Variants in C13orf46 observed in about 807,000 individuals in gnomAD.
C13orf46 encodes uncharacterized protein C13orf46.
At chr13:113,963,724 C>T (rs1432979546) in intron 6 of C13orf46, among the ~76,000 whole-genome samples, 6 of 152,376 alleles carry the variant, frequency 3.9e-5, no homozygotes, top group South Asian at 4.1e-4. Flanking sequence ...TCCTCAGTGT[C>T]GAAAGTCAGG....
In C13orf46 at chr13:113,972,651, G is replaced by C. The variant is rs530188598; in HGVS notation, c.190+1157C>G. Among the ~76,000 whole-genome samples the C allele has an allele frequency of 5.1e-4, 77 of 152,288 alleles. 2 individuals are homozygous for C. The South Asian group carries it at 0.016, about 32-fold the overall frequency. Reference sequence around the variant, plus strand: ...ACCTGGAAACATCTCAGAGTGGCGAGTGTGGACCGACACAGGGGCAGCCTA... The same window carrying C: ...ACCTGGAAACATCTCAGAGTGGCGACTGTGGACCGACACAGGGGCAGCCTA... On this transcript the variant is annotated intron_variant, in intron 1 of 6. Coordinates refer to ENST00000636427, the MANE Select transcript of C13orf46 (RefSeq NM_001365455.2).
the C13orf46 span, among the ~76,000 whole-genome samples, chr13:113,936,800 C>T: frequency 7.9e-5 from 12 of 151,986 alleles, no homozygotes; most frequent in African/African-American, 1.5e-4. Flanking sequence ...GGAGGCTGAC[C>T]GGTCCAGGGG....
chr13:113,938,870 G>A, the C13orf46 span, among the ~76,000 whole-genome samples: 10 of 152,020 alleles, frequency 6.6e-5, no homozygotes, highest in African/African-American at 2.4e-4. Flanking sequence ...AATCCCTATG[G>A]AAAACTCAGC....
At chr13:113,950,927 G>C (rs979777926), downstream of C13orf46, among the ~76,000 whole-genome samples, 1 of 152,258 alleles carries the variant, frequency 6.6e-6, no homozygotes, top group Admixed American at 6.5e-5. Flanking sequence ...CGGGATGTCC[G>C]TGGCGCTGGC....
chr13:113,936,582 G>A, the C13orf46 span, among the ~76,000 whole-genome samples: 8 of 152,278 alleles, frequency 5.3e-5, no homozygotes, highest in African/African-American at 9.6e-5. Flanking sequence ...TTTTACACAC[G>A]CAGAGCCGGC....
At chr13:113,947,880 T>A in the C13orf46 span, among the ~76,000 whole-genome samples, 4 of 152,230 alleles carry the variant, frequency 2.6e-5, no homozygotes, top group Non-Finnish European at 5.9e-5. Flanking sequence ...GATGACAGCA[T>A]ATCCATGGGA....
chr13:113,955,415 C>T lies in C13orf46; in HGVS notation c.*1358G>A, dbSNP rs1292061397. 3.3e-3 allele frequency: 351 copies of T among 107,286 alleles called. 11 individuals are homozygous for T. The South Asian group carries it at 0.056, about 17-fold the overall frequency. The allele number at this position is 107,286 out of a possible 1,614,324, so 6.6% of individuals were successfully genotyped here. A position where few individuals can be genotyped will look rare whatever the true frequency, so the allele number is the denominator to read the frequency against. On this transcript the variant is annotated 3_prime_UTR_variant, in exon 7 of 7. Coordinates refer to ENST00000636427, the MANE Select transcript of C13orf46 (RefSeq NM_001365455.2). ...GGAGACGAGGAGCATCCGGCGGTGA[C>T]GAGGAGCATCCGGCGGAGATGAGGA...
rs2052514216 is a variant in C13orf46, at chr13:113,955,181, G to GAGGAGAGGAGGAGCATCCC, written c.*1591_*1592insGGGATGCTCCTCCTCTCCT. ...CATCTCGAGGAGAGGAGGAGCATCT[G>GAGGAGAGGAGGAGCATCCC]GTGGAGAGGAGGAGCATCCCGTGGA... On this transcript the variant is annotated 3_prime_UTR_variant, in exon 7 of 7. Coordinates refer to ENST00000636427, the MANE Select transcript of C13orf46 (RefSeq NM_001365455.2). 4.9e-6 allele frequency: 1 copy of GAGGAGAGGAGGAGCATCCC among 205,610 alleles called. No homozygotes were observed. The highest frequency in any genetic ancestry group is 9.5e-6 in the Non-Finnish European group (1 of 104,934). 12.7% of individuals were successfully genotyped at this position (205,610 alleles called of 1,614,324 possible).
At chr13:113,946,053 A>ATTTAGGGTCCAGTTCACTGCACTGCGG in the C13orf46 span, among the ~76,000 whole-genome samples, 1 of 152,048 alleles carries the variant, frequency 6.6e-6, no homozygotes. Context: ...GTTCACCGTG[A>ATTTAGGGTCCAGTTCACTGCACTGCGG]GTGAATGCCG....
At chr13:113,933,308 T>C in the C13orf46 span, among the ~76,000 whole-genome samples, 8 of 152,244 alleles carry the variant, frequency 5.3e-5, no homozygotes, top group Non-Finnish European at 1.0e-4. Context: ...TCAGCACATT[T>C]ATCAAAAGTC....
chr13:113,937,675 C>T, the C13orf46 span, among the ~76,000 whole-genome samples: 1 of 152,150 alleles, frequency 6.6e-6, no homozygotes, highest in African/African-American at 2.4e-5. Context: ...CATGAGACAT[C>T]AACATACATC....
the C13orf46 span, among the ~76,000 whole-genome samples, chr13:113,940,019 G>C: frequency 8.1e-3 from 1,233 of 152,326 alleles, 21 homozygotes; most frequent in African/African-American, 0.029. Flanking sequence ...CAGGATGCCC[G>C]GGTGGCAGCC....
chr13:113,952,818 G>A (rs1462423961), downstream of C13orf46, among the ~76,000 whole-genome samples: 5 of 152,352 alleles, frequency 3.3e-5, no homozygotes, highest in African/African-American at 4.8e-5. Flanking sequence ...CGACCCCAGC[G>A]CTGCTGCCTG....
At chr13:113,936,771 C>T in the C13orf46 span, among the ~76,000 whole-genome samples, 5 of 151,874 alleles carry the variant, frequency 3.3e-5, no homozygotes, top group Admixed American at 1.3e-4. Context: ...TGCCCCGAGT[C>T]GCTTCTGGGT....
downstream of C13orf46, among the ~76,000 whole-genome samples, chr13:113,951,924 C>G (rs1380221050): frequency 6.6e-6 from 1 of 152,212 alleles, no homozygotes; most frequent in South Asian, 2.1e-4. Context: ...ACCCCACTCT[C>G]GTAAGACAAC....
the C13orf46 span, among the ~76,000 whole-genome samples, chr13:113,948,049 C>T: frequency 1.3e-5 from 2 of 152,258 alleles, no homozygotes. Flanking sequence ...AGCCCACGTC[C>T]TGCCACAGGG....
chr13:113,967,560 G>A (rs1180307625), intron 4 of C13orf46, among the ~76,000 whole-genome samples, 172 bp from the exon 5 acceptor site: 2 of 152,134 alleles, frequency 1.3e-5, no homozygotes, highest in East Asian at 3.9e-4. Context: ...CTCCTGGGAC[G>A]CTGGGCAGAG....
intron 6 of C13orf46, among the ~76,000 whole-genome samples, chr13:113,957,059 G>T (rs2052541315): frequency 6.9e-6 from 1 of 145,230 alleles, no homozygotes; most frequent in Non-Finnish European, 1.5e-5. Flanking sequence ...CCCTGTACCT[G>T]CATATGCTCC....
chr13:113,940,092 C>T, the C13orf46 span, among the ~76,000 whole-genome samples: 2 of 152,260 alleles, frequency 1.3e-5, no homozygotes, highest in African/African-American at 4.8e-5. Context: ...CTGCCTGGCC[C>T]TGCCCATGCG....
Sources: gnomAD v4.1 joint callset for allele counts (sites outside exome capture counted in the v4.1 genomes callset) on GRCh38, gnomAD v4.1.1 for gene constraint, MANE v1.5 for transcripts, NCBI Gene and HGNC (gene_info 2026-07-23, HGNC 2026-07-21) for gene names.